Variants in CCNY observed in about 807,000 individuals in gnomAD.
The protein encoded by CCNY is cyclin-Y.
A neutral mutation model predicts 42.8 loss-of-function variants in CCNY; 19 were observed. That is an observed-to-expected ratio of 0.44 (90% confidence interval 0.31 to 0.65). The LOEUF (loss-of-function observed/expected upper bound fraction) is 0.65. Ranked by LOEUF, CCNY falls within the 30% of genes least tolerant of loss-of-function variation. CCNY has a pLI of 0.07. For missense variants in CCNY, 370 were observed against 437.3 expected, an observed-to-expected ratio of 0.85 and a Z score of 1.37; for synonymous variants, 165 against 162.7, an observed-to-expected ratio of 1.01 and a Z score of -0.11.
At chr10:35,529,258 G>C (rs1053631460) in intron 5 of CCNY, among the ~76,000 whole-genome samples, 5 of 152,154 alleles carry the variant, frequency 3.3e-5, no homozygotes, top group Non-Finnish European at 7.3e-5. Context: ...TGAATAATCA[G>C]ACTGATCTCT....
At chr10:35,441,812 T>C (rs1433378197) in intron 1 of CCNY, among the ~76,000 whole-genome samples, 1 of 152,210 alleles carries the variant, frequency 6.6e-6, no homozygotes, top group Non-Finnish European at 1.5e-5. Context: ...CTGGTGTATC[T>C]TATTTTAAGG....
At chr10:35,395,386 C>T (rs1468983899) in intron 1 of CCNY, among the ~76,000 whole-genome samples, 3 of 152,154 alleles carry the variant, frequency 2.0e-5, no homozygotes, top group Non-Finnish European at 4.4e-5. Context: ...GCATGGGCCA[C>T]TGGGAATTCA....
intron 3 of CCNY, among the ~76,000 whole-genome samples, chr10:35,330,906 G>A (rs1267178943): frequency 2.0e-5 from 3 of 152,098 alleles, no homozygotes; most frequent in Non-Finnish European, 4.4e-5. Context: ...ACAGGCATGC[G>A]GCACGGCCAT....
At chr10:35,363,599 C>T (rs1429873194) in intron 1 of CCNY, among the ~76,000 whole-genome samples, 1 of 152,168 alleles carries the variant, frequency 6.6e-6, no homozygotes, top group Non-Finnish European at 1.5e-5. Flanking sequence ...TCAGTGAGAT[C>T]AGCTCTGTTG....
intron 3 of CCNY, among the ~76,000 whole-genome samples, chr10:35,512,580 TG>T: frequency 6.6e-6 from 1 of 152,112 alleles, no homozygotes; most frequent in East Asian, 1.9e-4. Flanking sequence ...TAGAGTTTTT[TG>T]TGAATGGGGA....
chr10:35,535,709 C>T (rs1840872953), intron 7 of CCNY, among the ~76,000 whole-genome samples: 1 of 152,110 alleles, frequency 6.6e-6, no homozygotes, highest in Admixed American at 6.6e-5. Flanking sequence ...ATTCCCTAAA[C>T]AAAACAGTAT....
At chr10:35,414,925 G>C (rs989895705) in intron 1 of CCNY, among the ~76,000 whole-genome samples, 1 of 152,184 alleles carries the variant, frequency 6.6e-6, no homozygotes, top group African/African-American at 2.4e-5. Flanking sequence ...GCCGTGCTTT[G>C]AGAGTGACCC....
At chr10:35,492,997 G>T (rs556771348) in intron 2 of CCNY, among the ~76,000 whole-genome samples, 30 of 151,164 alleles carry the variant, frequency 2.0e-4, no homozygotes, top group East Asian at 5.8e-4. Flanking sequence ...GGTGCATGGG[G>T]GGGGGAGGGC....
intron 1 of CCNY, among the ~76,000 whole-genome samples, chr10:35,450,026 C>T (rs1306088825): frequency 6.6e-6 from 1 of 152,098 alleles, no homozygotes; most frequent in East Asian, 1.9e-4. Flanking sequence ...CTGGGATTTG[C>T]CAGAAAGCGC....
chr10:35,312,628 T>C (rs980775692), intron 3 of CCNY, among the ~76,000 whole-genome samples: 2 of 151,972 alleles, frequency 1.3e-5, no homozygotes, highest in African/African-American at 2.4e-5. Flanking sequence ...TAGTAAACCA[T>C]CTCATCCTGG....
chr10:35,274,539 T>C (rs982335468), intron 3 of CCNY, among the ~76,000 whole-genome samples: 1 of 152,190 alleles, frequency 6.6e-6, no homozygotes, highest in African/African-American at 2.4e-5. Context: ...AAATGGCATA[T>C]GTTTTATCAA....
intron 1 of CCNY, among the ~76,000 whole-genome samples, chr10:35,481,152 C>G (rs745657025): frequency 1.6e-4 from 24 of 152,172 alleles, no homozygotes; most frequent in Non-Finnish European, 2.8e-4. Flanking sequence ...ACATCGGTTT[C>G]CGTGTCAATA....
intron 8 of CCNY, among the ~76,000 whole-genome samples, chr10:35,561,664 G>A (rs1391746762): frequency 6.6e-6 from 1 of 152,194 alleles, no homozygotes; most frequent in African/African-American, 2.4e-5. Context: ...CCAGCTTCCT[G>A]AAGTGACCTT....
chr10:35,331,069 T>C (rs1835938282), intron 3 of CCNY, among the ~76,000 whole-genome samples: 1 of 152,208 alleles, frequency 6.6e-6, no homozygotes, highest in Admixed American at 6.5e-5. Flanking sequence ...AGAGGTAGCC[T>C]CTTTAGAGAG....
chr10:35,512,283 T>TTCTCAACTTCAAC (rs1161583603), intron 3 of CCNY, among the ~76,000 whole-genome samples: 3 of 151,968 alleles, frequency 2.0e-5, no homozygotes, highest in East Asian at 1.9e-4. Context: ...AGTAGTGAGC[T>TTCTCAACTTCAAC]CAGAAGAGAA....
intron 9 of CCNY, 59 bp from the exon 10 acceptor site, chr10:35,568,995 G>A: frequency 1.7e-6 from 2 of 1,143,016 alleles, no homozygotes; most frequent in Non-Finnish European, 1.3e-6. Context: ...CCCAGGACGA[G>A]TGAGCAATGG....
chr10:35,393,660 G>T (rs1837462268), intron 1 of CCNY, among the ~76,000 whole-genome samples: 1 of 152,188 alleles, frequency 6.6e-6, no homozygotes, highest in South Asian at 2.1e-4. Context: ...CACTAGGTGA[G>T]CTGTGGCTTT....
intron 1 of CCNY, among the ~76,000 whole-genome samples, chr10:35,433,675 G>A (rs749952518): frequency 2.0e-5 from 3 of 152,126 alleles, no homozygotes; most frequent in East Asian, 1.9e-4. Context: ...ACAGTGGTGC[G>A]ATCTCGGCTT....
chr10:35,572,090 G>T lies in CCNY; in HGVS notation c.*2920G>T, dbSNP rs1841697670. The T allele has an allele frequency of 1.3e-5, 2 of 152,030 alleles. No individual in the cohort carries two copies. The highest frequency in any genetic ancestry group is 4.8e-5 in the African/African-American group (2 of 41,374). The allele number at this position is 152,030 out of a possible 1,614,324, so 9.4% of individuals were successfully genotyped here. A position where few individuals can be genotyped will look rare whatever the true frequency, so the allele number is the denominator to read the frequency against. On this transcript the variant is annotated 3_prime_UTR_variant, in exon 10 of 10. Transcript: ENST00000374704. ...ATGCATGAGGTGAGGCCAGAGGTGTGGGCACCTGTACCTGCCTCCTCTTCT... is the reference window on the plus strand; with the variant it reads ...ATGCATGAGGTGAGGCCAGAGGTGTTGGCACCTGTACCTGCCTCCTCTTCT...
Sources: allele counts gnomAD v4.1 joint callset (sites outside exome capture counted in the v4.1 genomes callset), GRCh38; gene constraint gnomAD v4.1.1; transcripts MANE v1.5; gene names NCBI Gene and HGNC (gene_info 2026-07-23, HGNC 2026-07-21).